EIF4G3: variants seen among roughly 807,000 people sequenced by gnomAD.
EIF4G3 encodes the protein eIF-4-gamma 3.
EIF4G3 carries 34 observed loss-of-function variants against 186.4 expected under a neutral mutation model. That is an observed-to-expected ratio of 0.18 (90% CI 0.14 to 0.24). EIF4G3 has a LOEUF of 0.24. Ranked by LOEUF, EIF4G3 falls within the 10% of genes least tolerant of loss-of-function variation. EIF4G3 has a pLI of 1.00. For synonymous variants in EIF4G3, 673 were observed against 679.5 expected (o/e 0.99, Z 0.15); for missense variants, 1,536 against 1,948.5 (o/e 0.79, Z 3.99).
intron 12 of EIF4G3, among the ~76,000 whole-genome samples, chr1:20,955,171 C>T (rs1473935481): frequency 6.6e-6 from 1 of 152,032 alleles, no homozygotes; most frequent in Non-Finnish European, 1.5e-5. Flanking sequence ...ATCCCCATAG[C>T]AATGGCAAGC....
chr1:21,172,766 T>C (rs1399737703), intron 2 of EIF4G3, among the ~76,000 whole-genome samples: 1 of 147,198 alleles, frequency 6.8e-6, no homozygotes, highest in Non-Finnish European at 1.5e-5. Context: ...GCCAGGATGG[T>C]CTCGATCTCC....
chr1:21,149,881 C>G (rs571137714), intron 2 of EIF4G3, among the ~76,000 whole-genome samples: 2 of 152,362 alleles, frequency 1.3e-5, no homozygotes, highest in East Asian at 3.9e-4. Flanking sequence ...CTGACACAGA[C>G]AGGTAAGCCT....
chr1:21,063,346 G>T (rs1430477755), intron 3 of EIF4G3, among the ~76,000 whole-genome samples: 1 of 152,114 alleles, frequency 6.6e-6, no homozygotes, highest in Non-Finnish European at 1.5e-5. Flanking sequence ...AAAGTTAGAG[G>T]CAGTATTTTG....
intron 30 of EIF4G3, among the ~76,000 whole-genome samples, chr1:20,840,407 G>A (rs1182551399): frequency 1.3e-5 from 2 of 152,254 alleles, no homozygotes; most frequent in Non-Finnish European, 2.9e-5. Flanking sequence ...TGAGGCTAGA[G>A]TGGGCACACA....
At chr1:21,062,575 A>C (rs1315378847) in intron 3 of EIF4G3, among the ~76,000 whole-genome samples, 1 of 152,132 alleles carries the variant, frequency 6.6e-6, no homozygotes, top group East Asian at 1.9e-4. Flanking sequence ...ACAGATATAG[A>C]TATAGATACA....
At chr1:21,052,915 T>C (rs1231825737) in intron 3 of EIF4G3, among the ~76,000 whole-genome samples, 1 of 152,220 alleles carries the variant, frequency 6.6e-6, no homozygotes, top group African/African-American at 2.4e-5. Flanking sequence ...TGCAGTGGCG[T>C]GATCTCGGCT....
chr1:20,945,247 T>A (rs2095886380), intron 13 of EIF4G3, among the ~76,000 whole-genome samples: 2 of 152,032 alleles, frequency 1.3e-5, no homozygotes, highest in South Asian at 4.1e-4. Flanking sequence ...TTTCTAATAA[T>A]CATGAAAGGG....
At chr1:21,154,867 G>T (rs1166989614) in intron 2 of EIF4G3, among the ~76,000 whole-genome samples, 1 of 152,094 alleles carries the variant, frequency 6.6e-6, no homozygotes, top group Non-Finnish European at 1.5e-5. Context: ...TTTGAGTATT[G>T]AAACAATATG....
At chr1:20,861,540 T>C (rs1366080435) in intron 23 of EIF4G3, among the ~76,000 whole-genome samples, 1 of 152,220 alleles carries the variant, frequency 6.6e-6, no homozygotes, top group Admixed American at 6.5e-5. Context: ...AACATCCTCA[T>C]TTTAGAGATT....
intron 4 of EIF4G3, among the ~76,000 whole-genome samples, chr1:21,040,163 C>T (rs539377271): frequency 1.1e-4 from 16 of 152,282 alleles, no homozygotes; most frequent in East Asian, 1.9e-4. Context: ...GACTTTCAGT[C>T]GGACCCCCAA....
rs1221987042 is a variant in EIF4G3 at position 20,886,309 on chromosome 1, G to A, written c.2316C>T (p.Ile772=). The A allele has an allele frequency of 3.1e-6, 5 of 1,613,860 alleles. No individual in the cohort carries two copies. In the Admixed American group the frequency reaches 6.7e-5, roughly 22 times the overall value. The change falls in exon 19 of 37, where the codon ATC becomes ATT. Residue 772 remains isoleucine (I), a synonymous_variant. Transcript: ENST00000602326. ...GTACATCTTCTTTTACAGAAACTGT[G>A]ATGATCTTTCTGGGTTCTCTTCTTT... ...PGQRREPRKI[I]TVSVKEDVHL... is the part of the protein sequence containing the mutation.
At chr1:20,971,125 T>C (rs989837430) in intron 11 of EIF4G3, among the ~76,000 whole-genome samples, 2 of 152,186 alleles carry the variant, frequency 1.3e-5, no homozygotes, top group African/African-American at 4.8e-5. Context: ...GTTGGTGCTG[T>C]AAAGGAGGTA....
chr1:21,063,049 ATATT>A, intron 3 of EIF4G3, among the ~76,000 whole-genome samples: 1 of 152,202 alleles, frequency 6.6e-6, no homozygotes, highest in East Asian at 1.9e-4. Flanking sequence ...CATAGAATAT[ATATT>A]TATTTTTTTA....
chr1:20,896,229 T>C (rs181211031), intron 16 of EIF4G3, among the ~76,000 whole-genome samples: 2 of 152,008 alleles, frequency 1.3e-5, no homozygotes, highest in African/African-American at 4.8e-5. Flanking sequence ...GGCCAAGAGT[T>C]TGAGACCAGC....
chr1:21,024,498 G>A (rs1398710023), intron 4 of EIF4G3, among the ~76,000 whole-genome samples: 1 of 151,874 alleles, frequency 6.6e-6, no homozygotes, highest in African/African-American at 2.4e-5. Flanking sequence ...TGCCGTGTCT[G>A]TGTAGAAAGA....
In EIF4G3 at chr1:20,862,218, T is replaced by C. The variant is rs774590265; in HGVS notation, c.3111+10A>G. On this transcript the variant is annotated intron_variant, in intron 23 of 36. Transcript: ENST00000602326. ...CCAGCAGGCTTATTATTATTTTTTTTCCCACTCACCAGCCTTAGGTCTATA... is the reference window on the plus strand; with the variant it reads ...CCAGCAGGCTTATTATTATTTTTTTCCCCACTCACCAGCCTTAGGTCTATA... 55 of 1,519,026 alleles carry C rather than the reference T, an allele frequency of 3.6e-5. 1 individual carries two copies. The South Asian group carries it at 4.9e-4, about 14-fold the overall frequency. 94.1% of individuals were successfully genotyped at this position (1,519,026 alleles called of 1,614,324 possible). A position where few individuals can be genotyped will look rare whatever the true frequency, so the allele number is the denominator to read the frequency against.
intron 2 of EIF4G3, among the ~76,000 whole-genome samples, chr1:21,127,636 A>G (rs529950561): frequency 6.6e-6 from 1 of 152,210 alleles, no homozygotes; most frequent in South Asian, 2.1e-4. Flanking sequence ...GCAATAAAAG[A>G]TTGTTTTGAG....
At chr1:21,105,331 G>A (rs1233581298) in intron 2 of EIF4G3, among the ~76,000 whole-genome samples, 1 of 152,132 alleles carries the variant, frequency 6.6e-6, no homozygotes, top group African/African-American at 2.4e-5. Context: ...TCAGGTGGCT[G>A]AGGCAGGAGA....
At chr1:21,169,041 C>T (rs2097910058) in intron 2 of EIF4G3, among the ~76,000 whole-genome samples, 1 of 151,696 alleles carries the variant, frequency 6.6e-6, no homozygotes, top group Non-Finnish European at 1.5e-5. Flanking sequence ...TGTGGTGGCA[C>T]ACACCTGTGG....
Sources: gnomAD v4.1 joint callset for allele counts (sites outside exome capture counted in the v4.1 genomes callset) on GRCh38, gnomAD v4.1.1 for gene constraint, MANE v1.5 for transcripts, NCBI Gene and HGNC (gene_info 2026-07-23, HGNC 2026-07-21) for gene names.